SLC9A4: variants seen among roughly 807,000 people sequenced by gnomAD.
SLC9A4 encodes the protein sodium/hydrogen exchanger 4.
SLC9A4 carries 63 observed loss-of-function variants against 67.4 expected under a neutral mutation model. The observed-to-expected ratio is 0.93, with a 90% confidence interval of 0.76 to 1.15. The LOEUF (loss-of-function observed/expected upper bound fraction) is 1.15, where lower values mean the gene tolerates loss of function less well. Among genes scored for constraint, SLC9A4 ranks in the 50% most tolerant of loss-of-function variants. The pLI, the probability that SLC9A4 is intolerant of heterozygous loss-of-function variation, is 0.00. For missense variants in SLC9A4, 1,089 were observed against 987.7 expected (o/e 1.10, Z -1.38); for synonymous variants, 393 against 367.2 (o/e 1.07, Z -0.80).
chr2:102,516,348 A>G (rs1685277579), intron 8 of SLC9A4, among the ~76,000 whole-genome samples: 6 of 152,154 alleles, frequency 3.9e-5, no homozygotes, highest in Admixed American at 3.9e-4. Context: ...TTTAGTATTT[A>G]AATTGCCTTT....
Position 102,479,298 on chromosome 2 carries a change from CTG to C in SLC9A4, c.719_720del (p.Val240GlyfsTer14), listed in dbSNP as rs1412647637. 5 of 1,606,362 alleles carry C rather than the reference CTG, an allele frequency of 3.1e-6. No individual in the cohort carries two copies. In the East Asian group the frequency reaches 1.1e-4, roughly 36 times the overall value. ...GAGGCCCTGCTCAATGATGGCATTA[CTG>C]TGGTGAGATGTCATGTGCCCGCCCG... On this transcript the variant is annotated frameshift_variant and splice_region_variant, in exon 2 of 12. Transcript: ENST00000295269. LOFTEE classifies it high-confidence loss of function.
At chr2:102,519,671 T>G (rs1685358943) in intron 8 of SLC9A4, among the ~76,000 whole-genome samples, 188 bp from the exon 9 acceptor site, 1 of 152,200 alleles carries the variant, frequency 6.6e-6, no homozygotes, top group Non-Finnish European at 1.5e-5. Flanking sequence ...GAACAGTATT[T>G]TCAAAACCTG....
At chr2:102,501,981 C>T (rs184887862) in intron 2 of SLC9A4, among the ~76,000 whole-genome samples, 1 of 152,098 alleles carries the variant, frequency 6.6e-6, no homozygotes, top group Non-Finnish European at 1.5e-5. Context: ...AAGGTCCACA[C>T]AGTCCATCTA....
At chr2:102,498,656 C>T (rs1478623829) in intron 2 of SLC9A4, among the ~76,000 whole-genome samples, 1 of 152,108 alleles carries the variant, frequency 6.6e-6, no homozygotes, top group Non-Finnish European at 1.5e-5. Context: ...CTTCTAAGAC[C>T]CATATGTGGC....
In SLC9A4 at chr2:102,508,840, G is replaced by C. The variant is rs914013336; in HGVS notation, c.1402-7G>C. 1 of 1,606,166 alleles carries C rather than the reference G, an allele frequency of 6.2e-7. No homozygotes were observed. The highest frequency in any genetic ancestry group is 1.7e-5 in the Admixed American group (1 of 57,966). Reference sequence around the variant, plus strand: ...CAAAACCCTTTGTTTTGTTATTTCTGATCTAGGGAATCACAGTTGGCCCTC... The same window carrying C: ...CAAAACCCTTTGTTTTGTTATTTCTCATCTAGGGAATCACAGTTGGCCCTC... On this transcript the variant is annotated splice_region_variant and splice_polypyrimidine_tract_variant and intron_variant, in intron 5 of 11. Coordinates refer to ENST00000295269, the MANE Select transcript of SLC9A4 (RefSeq NM_001011552.4).
At chr2:102,502,509 T>C (rs1270297058) in intron 2 of SLC9A4, among the ~76,000 whole-genome samples, 1 of 152,144 alleles carries the variant, frequency 6.6e-6, no homozygotes, top group East Asian at 1.9e-4. Flanking sequence ...CTATAAGATA[T>C]AAGGAAACTC....
intron 2 of SLC9A4, among the ~76,000 whole-genome samples, chr2:102,489,335 T>C (rs1330100532): frequency 6.6e-6 from 1 of 152,144 alleles, no homozygotes; most frequent in African/African-American, 2.4e-5. Context: ...TGGTTTTTAA[T>C]TGTTGAGTCT....
intron 2 of SLC9A4, among the ~76,000 whole-genome samples, chr2:102,480,047 T>C (rs980618937): frequency 3.9e-5 from 6 of 152,244 alleles, no homozygotes. Flanking sequence ...ATACATACTT[T>C]CATATACTTT....
intron 5 of SLC9A4, among the ~76,000 whole-genome samples, 196 bp from the exon 6 acceptor site, chr2:102,508,651 T>C (rs779008244): frequency 1.1e-4 from 16 of 152,204 alleles, no homozygotes; most frequent in Non-Finnish European, 1.8e-4. Context: ...TATATTAACA[T>C]ACAGGCATGA....
chr2:102,479,531 A>G lies in SLC9A4; in HGVS notation c.720+229A>G, dbSNP rs559084856. Among the ~76,000 whole-genome samples the G allele has an allele frequency of 1.7e-4, 26 of 152,340 alleles. 1 individual carries two copies. The East Asian group carries it at 4.8e-3, about 28-fold the overall frequency. ...CATTCACAAACCAACTAGTTTCGTT[A>G]AAGAGTGGAAAAGGAGAGAGAACGT... On this transcript the variant is annotated intron_variant, in intron 2 of 11. Transcript: ENST00000295269.
rs763763592 is a variant in SLC9A4 at position 102,478,901 on chromosome 2, G to T, written c.319G>T (p.Gly107Trp). The stretch of plus-strand genomic sequence containing the variant: ...AGAAAGCTGCCTCCTCATCCTGGTG[G>T]GGGCGCTGGTGGGCGGCATCATCTT... ...MPESCLLILV[G>W]ALVGGIIFGT... The change falls in exon 2 of 12, where the codon GGG (glycine) becomes TGG (tryptophan). Residue 107 changes from glycine to tryptophan, a missense_variant. Gly to Trp is a radical substitution (Grantham distance 184). Coordinates refer to ENST00000295269, the MANE Select transcript of SLC9A4 (RefSeq NM_001011552.4). 8.7e-6 allele frequency: 14 copies of T among 1,614,004 alleles called. No individual in the cohort carries two copies. The highest frequency in any genetic ancestry group is 1.2e-5 in the Non-Finnish European group (14 of 1,180,042).
chr2:102,506,119 G>T (rs1487912245), intron 4 of SLC9A4, among the ~76,000 whole-genome samples: 1 of 152,218 alleles, frequency 6.6e-6, no homozygotes, highest in Non-Finnish European at 1.5e-5. Context: ...CAACTTTAGA[G>T]TGTAACTGGC....
At chr2:102,508,313 A>G in intron 5 of SLC9A4, 32 bp downstream of exon 5, 1 of 1,515,596 alleles carries the variant, frequency 6.6e-7, no homozygotes, top group Non-Finnish European at 9.0e-7. Context: ...TTAAATAAAT[A>G]GGTTATTTCA....
At chr2:102,490,046 G>A (rs1315381793) in intron 2 of SLC9A4, among the ~76,000 whole-genome samples, 1 of 151,578 alleles carries the variant, frequency 6.6e-6, no homozygotes, top group Admixed American at 6.6e-5. Context: ...TATTTGGCAT[G>A]CAGGAAAGAT....
intron 2 of SLC9A4, among the ~76,000 whole-genome samples, chr2:102,496,499 C>T (rs1263413890): frequency 3.9e-5 from 6 of 152,172 alleles, no homozygotes; most frequent in African/African-American, 7.2e-5. Context: ...GAGGGATATA[C>T]CTAGTTTTTT....
chr2:102,493,029 C>G (rs1167744324), intron 2 of SLC9A4, among the ~76,000 whole-genome samples: 1 of 152,214 alleles, frequency 6.6e-6, no homozygotes, highest in East Asian at 1.9e-4. Context: ...AGTTGTTCAT[C>G]TCCATCTGAG....
At chr2:102,526,145 C>A in intron 10 of SLC9A4, 114 bp from the exon 11 acceptor site, 1 of 1,102,422 alleles carries the variant, frequency 9.1e-7, no homozygotes, top group Non-Finnish European at 1.3e-6. Context: ...TCTTCTGCCT[C>A]CCAAAGTGCT....
At chr2:102,504,204 C>CCGCT (rs1685002619) in intron 3 of SLC9A4, among the ~76,000 whole-genome samples, 1 of 152,180 alleles carries the variant, frequency 6.6e-6, no homozygotes, top group African/African-American at 2.4e-5. Flanking sequence ...AGGTACTGGC[C>CCGCT]ACCACGCCCG....
intron 2 of SLC9A4, among the ~76,000 whole-genome samples, chr2:102,486,141 G>A (rs1684584109): frequency 6.6e-6 from 1 of 152,156 alleles, no homozygotes; most frequent in Non-Finnish European, 1.5e-5. Context: ...GCATAGCCAA[G>A]AACATGGATG....
Sources: gnomAD v4.1 joint callset for allele counts (sites outside exome capture counted in the v4.1 genomes callset) on GRCh38, gnomAD v4.1.1 for gene constraint, MANE v1.5 for transcripts, NCBI Gene and HGNC (gene_info 2026-07-23, HGNC 2026-07-21) for gene names.